Variants in SAE1 observed in about 807,000 individuals in gnomAD.
SAE1 encodes the protein SUMO1 activating enzyme subunit 1.
In SAE1, 11 loss-of-function variants were observed where a neutral mutation model predicts 40.6. The observed-to-expected ratio is 0.27, with a 90% CI of 0.17 to 0.45. The LOEUF (loss-of-function observed/expected upper bound fraction) is 0.45, where lower values mean the gene tolerates loss of function less well. Among genes scored for constraint, SAE1 ranks in the 20% least tolerant of loss-of-function variants. SAE1 has a pLI of 1.00. For missense variants in SAE1, 373 were observed against 427.3 expected (o/e 0.87, Z 1.12); for synonymous variants, 155 against 154.3 (o/e 1.00, Z -0.03).
At chr19:47,198,267 G>A (rs573173420) in intron 7 of SAE1, among the ~76,000 whole-genome samples, 36 of 152,176 alleles carry the variant, frequency 2.4e-4, no homozygotes, top group African/African-American at 8.4e-4. Context: ...CTGCCACCAC[G>A]CCCAGCTAAT....
At chr19:47,137,880 C>A (rs1388871755) in intron 1 of SAE1, among the ~76,000 whole-genome samples, 1 of 149,426 alleles carries the variant, frequency 6.7e-6, no homozygotes, top group African/African-American at 2.5e-5. Flanking sequence ...AGGCGCGTGC[C>A]ACCACACCTG....
chr19:47,150,475 A>G, intron 3 of SAE1, 100 bp downstream of exon 3: 1 of 956,586 alleles, frequency 1.0e-6, no homozygotes, highest in Non-Finnish European at 1.6e-6. Flanking sequence ...GCATTCAAAT[A>G]TCAAATTCTG....
chr19:47,176,578 C>T (rs1049249706), intron 6 of SAE1, among the ~76,000 whole-genome samples: 2 of 152,200 alleles, frequency 1.3e-5, no homozygotes, highest in African/African-American at 4.8e-5. Context: ...GTCCTTTTGC[C>T]TGCATGCCTA....
chr19:47,160,686 T>C (rs150106977), intron 5 of SAE1, among the ~76,000 whole-genome samples: 2,509 of 147,034 alleles, frequency 0.017, 59 homozygotes, highest in African/African-American at 0.06. Context: ...TGAGCCACCG[T>C]GCCCAGCCTA....
chr19:47,203,529 C>G, intron 7 of SAE1, 142 bp from the exon 8 acceptor site: 1 of 650,342 alleles, frequency 1.5e-6, no homozygotes, highest in Admixed American at 2.5e-5. Context: ...GCCTAGATGC[C>G]AGCATTAACA....
At chr19:47,139,203 C>T (rs1455167347) in intron 1 of SAE1, among the ~76,000 whole-genome samples, 3 of 152,214 alleles carry the variant, frequency 2.0e-5, no homozygotes, top group African/African-American at 7.2e-5. Context: ...CCGACCGCCT[C>T]GGCTAATTTT....
intron 5 of SAE1, among the ~76,000 whole-genome samples, chr19:47,160,684 C>G (rs565017002): frequency 5.3e-5 from 8 of 151,990 alleles, no homozygotes; most frequent in Non-Finnish European, 1.2e-4. Flanking sequence ...CGTGAGCCAC[C>G]GTGCCCAGCC....
intron 5 of SAE1, among the ~76,000 whole-genome samples, chr19:47,163,000 A>T (rs1047353850): frequency 7.2e-5 from 11 of 151,882 alleles, no homozygotes; most frequent in East Asian, 3.9e-4. Context: ...TCAAAAAAAA[A>T]TTTTTTTTTA....
intron 2 of SAE1, among the ~76,000 whole-genome samples, chr19:47,148,718 G>A (rs996090559): frequency 4.0e-5 from 6 of 151,214 alleles, no homozygotes; most frequent in African/African-American, 9.7e-5. Flanking sequence ...AGGTTCAAGC[G>A]ATTCTCCTGC....
Position 47,210,286 on chromosome 19 carries a change from T to G in SAE1, c.*1035T>G, listed in dbSNP as rs1004960997. The G allele has an allele frequency of 2.0e-4, 31 of 152,174 alleles. No homozygotes were observed. The highest frequency in any genetic ancestry group is 7.5e-4 in the African/African-American group (31 of 41,454). 9.4% of individuals were successfully genotyped at this position (152,174 alleles called of 1,614,324 possible). On this transcript the variant is annotated 3_prime_UTR_variant, in exon 9 of 9. Coordinates refer to ENST00000270225, the MANE Select transcript of SAE1 (RefSeq NM_005500.3). ...AGACCTGAGGCTCTAACTCAAGAGA[T>G]TCCTCCTCTCCCTCACCATTCCTGC...
rs1311114957 is a variant in SAE1, at chr19:47,176,118, G to GA, written c.733+6198dup. Among the ~76,000 whole-genome samples the GA allele has an allele frequency of 3.3e-5, 5 of 152,320 alleles. No individual in the cohort carries two copies. In the East Asian group the frequency reaches 9.6e-4, roughly 29 times the overall value. ...ATTTGTGTTTATGTAATCAAACTGTGAAACACCGGTTGGGAACTTGCTTGT... is the reference window on the plus strand; with the variant it reads ...ATTTGTGTTTATGTAATCAAACTGTGAAAACACCGGTTGGGAACTTGCTTGT... On this transcript the variant is annotated intron_variant, in intron 6 of 8. Coordinates refer to ENST00000270225, the MANE Select transcript of SAE1 (RefSeq NM_005500.3).
intron 6 of SAE1, among the ~76,000 whole-genome samples, chr19:47,182,216 C>A (rs1471560256): frequency 6.6e-6 from 1 of 152,094 alleles, no homozygotes; most frequent in Non-Finnish European, 1.5e-5. Flanking sequence ...GATTAGTTCT[C>A]TTCAGAAGAA....
chr19:47,172,802 T>A (rs2058442783), intron 6 of SAE1, among the ~76,000 whole-genome samples: 1 of 151,506 alleles, frequency 6.6e-6, no homozygotes. Context: ...AAAGCACATA[T>A]CTTCACGGAT....
chr19:47,203,676 G>T lies in SAE1; in HGVS notation c.884G>T (p.Cys295Phe). The change falls in exon 8 of 9, where the codon TGC (cysteine) becomes TTC (phenylalanine). Residue 295 changes from cysteine (C) to phenylalanine (F), a missense_variant. Transcript: ENST00000270225. ...DLLPEDFVRYCFSEMAPVCAV... is the reference protein window; with the variant it reads ...DLLPEDFVRYFFSEMAPVCAV... Reference sequence around the variant, plus strand: ...CTTGTCTTCCTCTCTTTTAGGTACTGCTTCTCCGAGATGGCCCCAGTGTGT... The same window carrying T: ...CTTGTCTTCCTCTCTTTTAGGTACTTCTTCTCCGAGATGGCCCCAGTGTGT... 1 of 1,613,972 alleles carries T rather than the reference G, an allele frequency of 6.2e-7. No homozygotes were observed. Among genetic ancestry groups the T allele is most frequent in the South Asian group, 1.1e-5 (1 of 91,054 alleles).
chr19:47,183,574 A>C (rs1445249375), intron 6 of SAE1, among the ~76,000 whole-genome samples: 1 of 152,152 alleles, frequency 6.6e-6, no homozygotes, highest in East Asian at 1.9e-4. Flanking sequence ...ATCAGATTAC[A>C]ATAATGGGCA....
chr19:47,131,483 C>T lies in SAE1; in HGVS notation c.98+455C>T, dbSNP rs116413011. 4.2e-3 allele frequency among the ~76,000 whole-genome samples: 642 copies of T among 152,114 alleles called. 6 individuals carry two copies. Among genetic ancestry groups the T allele is most frequent in the African/African-American group, 0.015 (608 of 41,490 alleles). ...CCAACCGGACAGACGGGAGCTTACA[C>T]TCTTGTGGGAGCTCACGGGCGGGCC... On this transcript the variant is annotated intron_variant, in intron 1 of 8. Coordinates refer to ENST00000270225, the MANE Select transcript of SAE1 (RefSeq NM_005500.3).
intron 5 of SAE1, among the ~76,000 whole-genome samples, chr19:47,160,801 T>C (rs2058355299): frequency 6.6e-6 from 1 of 152,084 alleles, no homozygotes; most frequent in Non-Finnish European, 1.5e-5. Flanking sequence ...AGTGCTGGGA[T>C]TACAGGCGTG....
chr19:47,180,191 C>A (rs775169573), intron 6 of SAE1: 152 of 456,060 alleles, frequency 3.3e-4, no homozygotes, highest in Admixed American at 9.4e-5. Context: ...CAGAGACATC[C>A]CAGAAGCACT....
At chr19:47,192,119 G>A (rs1338574487) in intron 6 of SAE1, among the ~76,000 whole-genome samples, 2 of 151,832 alleles carry the variant, frequency 1.3e-5, no homozygotes, top group South Asian at 2.1e-4. Context: ...AGCCCAAAGC[G>A]TTATAGTGCC....
Sources: allele counts gnomAD v4.1 joint callset (sites outside exome capture counted in the v4.1 genomes callset), GRCh38; gene constraint gnomAD v4.1.1; transcripts MANE v1.5; gene names NCBI Gene and HGNC (gene_info 2026-07-23, HGNC 2026-07-21).